RAB3GAP2: variants seen among roughly 807,000 people sequenced by gnomAD.
The protein encoded by RAB3GAP2 is RAB3 GTPase activating non-catalytic protein subunit 2.
In RAB3GAP2, 87 loss-of-function variants were observed where a neutral mutation model predicts 185.3. The ratio of observed to expected loss-of-function variants is 0.47; its 90% CI spans 0.39 to 0.56. The LOEUF (loss-of-function observed/expected upper bound fraction) is 0.56. RAB3GAP2 is among the 20% of genes least tolerant of loss of function. RAB3GAP2 has a pLI of 0.00. For missense variants in RAB3GAP2, 1,492 were observed against 1,638.2 expected (o/e 0.91, Z 1.54); for synonymous variants, 554 against 576.1 (o/e 0.96, Z 0.55).
At chr1:220,165,058 G>A (rs538034170) in intron 26 of RAB3GAP2, among the ~76,000 whole-genome samples, 21 of 151,654 alleles carry the variant, frequency 1.4e-4, no homozygotes, top group Admixed American at 9.9e-4. Context: ...GCTGTGGTTT[G>A]AACATCATAG....
In RAB3GAP2 at chr1:220,202,477, T is replaced by C. The variant is rs1658880835; in HGVS notation, c.713-103A>G. 1.8e-5 allele frequency: 22 copies of C among 1,193,452 alleles called. No individual in the cohort carries two copies. In the Admixed American group the frequency reaches 2.3e-4, roughly 12 times the overall value. The allele number at this position is 1,193,452 out of a possible 1,614,324, so 73.9% of individuals were successfully genotyped here. ...TAATTTGTTATTCTAAAATTTCAGCTAATAATGACACAAAGTAATGAAAAC... is the reference window on the plus strand; with the variant it reads ...TAATTTGTTATTCTAAAATTTCAGCCAATAATGACACAAAGTAATGAAAAC... On this transcript the variant is annotated intron_variant, in intron 8 of 34. Transcript: ENST00000358951.
At chr1:220,153,880 T>C (rs1657808582) in intron 32 of RAB3GAP2, 88 bp downstream of exon 32, 4 of 1,570,540 alleles carry the variant, frequency 2.5e-6, no homozygotes, top group South Asian at 1.1e-5. Context: ...CGATAGAAAG[T>C]AGTCATTCTT....
intron 2 of RAB3GAP2, among the ~76,000 whole-genome samples, chr1:220,230,782 T>A (rs766692483): frequency 6.6e-6 from 1 of 152,224 alleles, no homozygotes; most frequent in African/African-American, 2.4e-5. Flanking sequence ...ACTCACCTTT[T>A]GAGAATATCA....
intron 1 of RAB3GAP2, among the ~76,000 whole-genome samples, chr1:220,236,215 T>C (rs1659587967): frequency 6.6e-6 from 1 of 152,178 alleles, no homozygotes; most frequent in Admixed American, 6.5e-5. Context: ...TCTTGTTCTG[T>C]CACCAGGCTG....
In RAB3GAP2 at chr1:220,162,272, G is replaced by T; in HGVS notation, c.3155-4C>A. 1.3e-6 allele frequency: 2 copies of T among 1,578,304 alleles called. No individual in the cohort carries two copies. Among genetic ancestry groups the T allele is most frequent in the Non-Finnish European group, 1.7e-6 (2 of 1,147,754 alleles). On this transcript the variant is annotated splice_polypyrimidine_tract_variant and splice_region_variant and intron_variant, in intron 27 of 34. Transcript: ENST00000358951. The stretch of plus-strand genomic sequence containing the variant: ...TTCCACATCATCAGTGCAATGCCTA[G>T]ATAGCAAGTAAAAGTAGTAAATAGA...
Position 220,172,681 on chromosome 1 carries a change from A to AT in RAB3GAP2, c.2371dup (p.Ile791AsnfsTer20). The AT allele has an allele frequency of 6.2e-7, 1 of 1,613,426 alleles. No homozygotes were observed. Among genetic ancestry groups the AT allele is most frequent in the Non-Finnish European group, 8.5e-7 (1 of 1,179,372 alleles). ...GGACAGCATGGTATGAAGACAGCAG[A>AT]TTGACTGTGGTTTATCCAAAATATC... On this transcript the variant is annotated frameshift_variant, in exon 22 of 35. Coordinates refer to ENST00000358951, the MANE Select transcript of RAB3GAP2 (RefSeq NM_012414.4). LOFTEE classifies it high-confidence loss of function.
chr1:220,236,949 C>T (rs1042002809), intron 1 of RAB3GAP2, among the ~76,000 whole-genome samples: 16 of 152,148 alleles, frequency 1.1e-4, no homozygotes, highest in Non-Finnish European at 2.4e-4. Flanking sequence ...ACAAACTCTA[C>T]GTCATCATGA....
At chr1:220,266,836 A>G in intron 1 of RAB3GAP2, 2 of 1,597,578 alleles carry the variant, frequency 1.3e-6, no homozygotes, top group Non-Finnish European at 1.7e-6. Flanking sequence ...ACAGTCTTGA[A>G]ATGAGGTCCC....
chr1:220,189,448 T>C lies in RAB3GAP2; in HGVS notation c.1779+255A>G, dbSNP rs535777466. Among the ~76,000 whole-genome samples, 6 of 151,946 alleles carry C rather than the reference T, an allele frequency of 3.9e-5. No individual in the cohort carries two copies. The East Asian group carries it at 9.7e-4, about 25-fold the overall frequency. ...GTTGGCCAGGCTGGTCTCGAACTAC[T>C]GACCTCATGATCCCCCTGCCTCGGC... On this transcript the variant is annotated intron_variant, in intron 17 of 34. Transcript: ENST00000358951.
chr1:220,185,854 T>C, intron 17 of RAB3GAP2, 113 bp from the exon 18 acceptor site: 2 of 765,828 alleles, frequency 2.6e-6, no homozygotes, highest in Non-Finnish European at 4.4e-6. Flanking sequence ...GGAAGCTCTA[T>C]ATTTAAGATG....
intron 9 of RAB3GAP2, among the ~76,000 whole-genome samples, chr1:220,199,506 C>G (rs1658800633): frequency 6.6e-6 from 1 of 152,152 alleles, no homozygotes; most frequent in African/African-American, 2.4e-5. Context: ...TTCTTGAACT[C>G]TACGAAACAT....
intron 32 of RAB3GAP2, 166 bp from the exon 33 acceptor site, chr1:220,153,572 C>G: frequency 1.9e-6 from 1 of 518,004 alleles, no homozygotes. Flanking sequence ...CTCAAGAATA[C>G]TTTGAAATTG....
chr1:220,184,315 G>T, intron 18 of RAB3GAP2, 152 bp from the exon 19 acceptor site: 1 of 568,750 alleles, frequency 1.8e-6, no homozygotes, highest in Non-Finnish European at 2.8e-6. Flanking sequence ...GGTTTTGAAA[G>T]CAAAAATAAT....
intron 33 of RAB3GAP2, among the ~76,000 whole-genome samples, chr1:220,152,951 C>A (rs542441812): frequency 6.6e-6 from 1 of 152,136 alleles, no homozygotes; most frequent in Non-Finnish European, 1.5e-5. Flanking sequence ...ATGAAGGAAC[C>A]TTGTCTGTTT....
At chr1:220,195,041 T>C (rs769337271) in intron 12 of RAB3GAP2, 37 bp downstream of exon 12, 1 of 1,582,446 alleles carries the variant, frequency 6.3e-7, no homozygotes, top group South Asian at 1.1e-5. Flanking sequence ...AGTACCTTTC[T>C]AAAAGGACTA....
At chr1:220,259,006 C>T (rs751539705) in intron 1 of RAB3GAP2, among the ~76,000 whole-genome samples, 1 of 152,102 alleles carries the variant, frequency 6.6e-6, no homozygotes, top group African/African-American at 2.4e-5. Context: ...AATAAAATAT[C>T]TAGGAACACA....
chr1:220,208,869 G>A (rs1010022696), intron 7 of RAB3GAP2, among the ~76,000 whole-genome samples: 3 of 152,122 alleles, frequency 2.0e-5, no homozygotes, highest in African/African-American at 7.2e-5. Flanking sequence ...GGCGCATGCC[G>A]CCATGCCCGG....
At chr1:220,227,503 AGT>A (rs1168139678) in intron 2 of RAB3GAP2, among the ~76,000 whole-genome samples, 3 of 152,202 alleles carry the variant, frequency 2.0e-5, no homozygotes, top group Non-Finnish European at 4.4e-5. Flanking sequence ...TGGAGTTTTT[AGT>A]GTTTTTGCCG....
chr1:220,193,213 G>A (rs958411814), intron 13 of RAB3GAP2, 27 bp downstream of exon 13: 2 of 1,612,916 alleles, frequency 1.2e-6, no homozygotes, highest in Non-Finnish European at 1.7e-6. Flanking sequence ...TGAATTAATT[G>A]TTTTTCTGGA....
Sources: gnomAD v4.1 joint callset for allele counts (sites outside exome capture counted in the v4.1 genomes callset) on GRCh38, gnomAD v4.1.1 for gene constraint, MANE v1.5 for transcripts, NCBI Gene and HGNC (gene_info 2026-07-23, HGNC 2026-07-21) for gene names.